ESAM: variants seen among roughly 807,000 people sequenced by gnomAD.
ESAM encodes the protein endothelial cell-selective adhesion molecule.
ESAM carries 23 observed loss-of-function variants against 31.8 expected under a neutral mutation model. That is an observed-to-expected ratio of 0.72 (90% CI 0.52 to 1.03). The LOEUF (loss-of-function observed/expected upper bound fraction) is 1.03. Among genes scored for constraint, ESAM ranks in the 50% least tolerant of loss-of-function variants. The pLI is 0.00. For missense variants in ESAM, 478 were observed against 488.9 expected, an observed-to-expected ratio of 0.98 and a Z score of 0.21; for synonymous variants, 216 against 207.2, an observed-to-expected ratio of 1.04 and a Z score of -0.37.
chr11:124,762,099 C>T lies in ESAM; in HGVS notation c.56G>A (p.Gly19Glu), dbSNP rs201650634. ...VTNLLRFLFL[G>E]LSALAPPSRA... ...GTTTCACTCACCGAGGGCACTCAGCCCCAGGAACAAAAACCGCAGCAAGTT... is the reference window on the plus strand; with the variant it reads ...GTTTCACTCACCGAGGGCACTCAGCTCCAGGAACAAAAACCGCAGCAAGTT... Residue 19 changes from glycine to glutamate, a missense_variant, in exon 1 of 7, where the codon GGG (glycine) becomes GAG (glutamate). Gly to Glu is a moderately conservative substitution (Grantham distance 98). Coordinates refer to ENST00000278927, the MANE Select transcript of ESAM (RefSeq NM_138961.3). The surrounding 1 kb of genome is among the most constrained non-coding windows in gnomAD (Gnocchi z 6.4). 2.9e-5 allele frequency: 46 copies of T among 1,610,386 alleles called. 1 individual carries two copies. The highest frequency in any genetic ancestry group is 3.3e-4 in the Middle Eastern group (2 of 6,044).
rs1413208902 is a variant in ESAM at position 124,756,314 on chromosome 11, C to G, written c.500G>C (p.Gly167Ala). Residue 167 changes from glycine to alanine, a missense_variant, in exon 4 of 7, where the codon GGG (glycine) becomes GCG (alanine). Gly to Ala is a moderately conservative substitution (Grantham distance 60). Transcript: ENST00000278927. ...CTGGCAGCTCAGGGTCACGTTTGCCCCCACATGGGGCACACCCTGGAGACG... is the reference window on the plus strand; with the variant it reads ...CTGGCAGCTCAGGGTCACGTTTGCCGCCACATGGGGCACACCCTGGAGACG... Reference protein sequence around the residue: ...SCRLQGVPHVGANVTLSCQSP... With the variant: ...SCRLQGVPHVAANVTLSCQSP... The G allele has an allele frequency of 1.1e-5, 17 of 1,612,378 alleles. No homozygotes were observed. Among genetic ancestry groups the G allele is most frequent in the Non-Finnish European group, 1.4e-5 (17 of 1,179,308 alleles).
Position 124,754,390 on chromosome 11 carries a change from C to T in ESAM, c.731-50G>A. ...AGGACACCCAGCTGAGGGGTTCTCA[C>T]CCCTCTCCAATCCCACTCTCCCCAC... On this transcript the variant is annotated intron_variant, in intron 5 of 6. Transcript: ENST00000278927. The surrounding 1 kb of genome is among the most constrained non-coding windows in gnomAD (Gnocchi z 4.5). 1.2e-6 allele frequency: 2 copies of T among 1,601,234 alleles called. No homozygotes were observed. The highest frequency in any genetic ancestry group is 1.7e-6 in the Non-Finnish European group (2 of 1,173,852).
chr11:124,754,202 A>C lies in ESAM; in HGVS notation c.857+12T>G. On this transcript the variant is annotated intron_variant, in intron 6 of 6. Coordinates refer to ENST00000278927, the MANE Select transcript of ESAM (RefSeq NM_138961.3). The surrounding 1 kb of genome is among the most constrained non-coding windows in gnomAD (Gnocchi z 4.5). ...GAGAGCCCCCGCTGCAGCAGACACC[A>C]GGGACACTTACTTGATATCATTGGC... 1 of 1,613,094 alleles carries C rather than the reference A, an allele frequency of 6.2e-7. No individual in the cohort carries two copies. Among genetic ancestry groups the C allele is most frequent in the Non-Finnish European group, 8.5e-7 (1 of 1,179,490 alleles).
Position 124,753,941 on chromosome 11 carries a change from CG to C in ESAM, c.877del (p.Arg293GlyfsTer39). ...TGAGCTCTTGGGCCAGGGCAGGGTC[CG>C]GGGAGCAATGGCATCCTCCCTAGTC... ...NDIKEDAIAP[R>X]TLPWPKSSDT... On this transcript the variant is annotated frameshift_variant, in exon 7 of 7. Coordinates refer to ENST00000278927, the MANE Select transcript of ESAM (RefSeq NM_138961.3). LOFTEE classifies it high-confidence loss of function. The C allele has an allele frequency of 6.2e-7, 1 of 1,613,588 alleles. No homozygotes were observed. Among genetic ancestry groups the C allele is most frequent in the Non-Finnish European group, 8.5e-7 (1 of 1,179,928 alleles).
rs146851296 is a variant in ESAM at position 124,762,123 on chromosome 11, T to C, written c.32A>G (p.Asn11Ser). The C allele has an allele frequency of 2.7e-4, 432 of 1,609,590 alleles. No individual in the cohort carries two copies. In the African/African-American group the frequency reaches 5.2e-3, roughly 19 times the overall value. Residue 11 changes from asparagine (N) to serine (S), a missense_variant, in exon 1 of 7, where the codon AAC (asparagine) becomes AGC (serine). Coordinates refer to ENST00000278927, the MANE Select transcript of ESAM (RefSeq NM_138961.3). The surrounding 1 kb of genome is among the most constrained non-coding windows in gnomAD (Gnocchi z 6.4). Reference sequence around the variant, plus strand: ...CCCCAGGAACAAAAACCGCAGCAAGTTGGTCACCAGGGGCCCCGGGAGGGA... The same window carrying C: ...CCCCAGGAACAAAAACCGCAGCAAGCTGGTCACCAGGGGCCCCGGGAGGGA... The part of the protein sequence containing the change: MISLPGPLVT[N>S]LLRFLFLGLS...
chr11:124,761,946 C>T (rs1944235299), intron 1 of ESAM, 139 bp downstream of exon 1: 5 of 773,180 alleles, frequency 6.5e-6, no homozygotes, highest in Non-Finnish European at 1.1e-5. Flanking sequence ...CCAGTGATGC[C>T]CTGGAGTGGG....
chr11:124,761,966 T>C (rs1944235497), intron 1 of ESAM, 119 bp downstream of exon 1: 2 of 889,758 alleles, frequency 2.2e-6, no homozygotes, highest in Middle Eastern at 4.3e-4. Flanking sequence ...GATTAGGAGG[T>C]CAGGGGAGGA....
chr11:124,756,634 C>G lies in ESAM; in HGVS notation c.358G>C (p.Asp120His). ...SLRLEGLQEKDSGPYSCSVNV... is the reference protein window; with the variant it reads ...SLRLEGLQEKHSGPYSCSVNV... The stretch of plus-strand genomic sequence containing the variant: ...ACGGAGCAGCTGTAGGGGCCAGAGT[C>G]TTTCTCCTGGAGACCCTCCAGCCGC... The change falls in exon 3 of 7, where the codon GAC becomes CAC. Residue 120 changes from aspartate (D) to histidine (H), a missense_variant. Transcript: ENST00000278927. 1 of 1,614,156 alleles carries G rather than the reference C, an allele frequency of 6.2e-7. No individual in the cohort carries two copies. Among genetic ancestry groups the G allele is most frequent in the Non-Finnish European group, 8.5e-7 (1 of 1,180,018 alleles).
chr11:124,755,734 G>A (rs991585464), intron 4 of ESAM, among the ~76,000 whole-genome samples: 7 of 152,228 alleles, frequency 4.6e-5, no homozygotes, highest in East Asian at 1.9e-4. Flanking sequence ...GCAGTACGTC[G>A]TTCCATATGA....
chr11:124,754,181 G>GC lies in ESAM; in HGVS notation c.857+32dup. ...AGCCTCTGTGAGGAGAGCTGGGAGA[G>GC]CCCCCGCTGCAGCAGACACCAGGGA... On this transcript the variant is annotated intron_variant, in intron 6 of 6. Coordinates refer to ENST00000278927, the MANE Select transcript of ESAM (RefSeq NM_138961.3). This position sits in a 1 kb window ranked among gnomAD's most constrained non-coding sequence, Gnocchi z 4.5. 1 of 1,606,194 alleles carries GC rather than the reference G, an allele frequency of 6.2e-7. No homozygotes were observed. The highest frequency in any genetic ancestry group is 8.5e-7 in the Non-Finnish European group (1 of 1,175,674).
chr11:124,753,931 G>A lies in ESAM; in HGVS notation c.888C>T (p.Pro296=), dbSNP rs770603963. Reference sequence around the variant, plus strand: ...AGATTGTGTCTGAGCTCTTGGGCCAGGGCAGGGTCCGGGGAGCAATGGCAT... The same window carrying A: ...AGATTGTGTCTGAGCTCTTGGGCCAAGGCAGGGTCCGGGGAGCAATGGCAT... ...KEDAIAPRTL[P]WPKSSDTISK... Residue 296 remains proline, a synonymous_variant, in exon 7 of 7, where the codon CCC becomes CCT. Transcript: ENST00000278927. 16 of 1,613,848 alleles carry A rather than the reference G, an allele frequency of 9.9e-6. 1 individual carries two copies. The highest frequency in any genetic ancestry group is 1.6e-4 in the Middle Eastern group (1 of 6,080).
rs1944240239 is a variant in ESAM, at chr11:124,762,243, G to A, written c.-89C>T. The A allele has an allele frequency of 9.3e-7, 1 of 1,074,432 alleles. No individual in the cohort carries two copies. Among genetic ancestry groups the A allele is most frequent in the East Asian group, 3.1e-5 (1 of 32,364 alleles). The allele number at this position is 1,074,432 out of a possible 1,614,324, so 66.6% of individuals were successfully genotyped here. On this transcript the variant is annotated 5_prime_UTR_variant, in exon 1 of 7. Transcript: ENST00000278927. This position sits in a 1 kb window ranked among gnomAD's most constrained non-coding sequence, Gnocchi z 6.4. Reference sequence around the variant, plus strand: ...CGAGGCTGCGCGACGGCCGGAGCGTGCGCGGGAGCCGAGCCGCTGACACCC... The same window carrying A: ...CGAGGCTGCGCGACGGCCGGAGCGTACGCGGGAGCCGAGCCGCTGACACCC...
intron 2 of ESAM, chr11:124,756,947 G>T: frequency 1.7e-6 from 1 of 587,336 alleles, no homozygotes; most frequent in East Asian, 2.9e-5. Context: ...ACAGTTCTTC[G>T]TTCCTGCGCA....
chr11:124,755,572 A>T (rs2134458028), intron 4 of ESAM, among the ~76,000 whole-genome samples: 1 of 152,332 alleles, frequency 6.6e-6, no homozygotes, highest in South Asian at 2.1e-4. Flanking sequence ...TATTATAAAA[A>T]TGGTCATGTG....
At chr11:124,757,144 TATCA>T (rs1197592566) in intron 2 of ESAM, 1 of 208,858 alleles carries the variant, frequency 4.8e-6, no homozygotes, top group African/African-American at 2.3e-5. Context: ...ATTTTAAAAG[TATCA>T]AATGAGGCTG....
chr11:124,761,443 G>C (rs1434296640), intron 1 of ESAM, among the ~76,000 whole-genome samples: 2 of 152,122 alleles, frequency 1.3e-5, no homozygotes, highest in Admixed American at 1.3e-4. Flanking sequence ...AACCAATAAG[G>C]GTGGTGGGCC....
rs1944132318 is a variant in ESAM at position 124,754,549 on chromosome 11, G to A, written c.730+92C>T. On this transcript the variant is annotated intron_variant, in intron 5 of 6. Transcript: ENST00000278927. This position sits in a 1 kb window ranked among gnomAD's most constrained non-coding sequence, Gnocchi z 4.5. ...AGGGGAAGCTCCGTGCCCTGCTACA[G>A]AGACAGGCCTCAGCAGACAGGCCTC... is the stretch of plus-strand genomic sequence containing the variant. 6 of 1,539,754 alleles carry A rather than the reference G, an allele frequency of 3.9e-6. No individual in the cohort carries two copies. Among genetic ancestry groups the A allele is most frequent in the Non-Finnish European group, 5.3e-6 (6 of 1,141,786 alleles).
chr11:124,756,890 T>C, intron 2 of ESAM, 148 bp from the exon 3 acceptor site: 3 of 798,012 alleles, frequency 3.8e-6, no homozygotes, highest in Non-Finnish European at 6.1e-6. Context: ...CCCATTCACC[T>C]TTTGTCCCTA....
chr11:124,761,998 T>A, intron 1 of ESAM, 87 bp downstream of exon 1: 1 of 1,207,040 alleles, frequency 8.3e-7, no homozygotes, highest in Admixed American at 2.0e-5. Flanking sequence ...GGGACCCAGT[T>A]CCGCAGCAGT....
Sources: allele counts gnomAD v4.1 joint callset (sites outside exome capture counted in the v4.1 genomes callset), GRCh38; gene constraint gnomAD v4.1.1; non-coding constraint Gnocchi (gnomAD v3.1); transcripts MANE v1.5; gene names NCBI Gene and HGNC (gene_info 2026-07-23, HGNC 2026-07-21).